The following SPEF1 variants were observed in gnomAD, a reference collection of about 807,000 sequenced individuals.
The protein encoded by SPEF1 is sperm flagellar and cilia associated 1, also known as sperm flagella and cilia-associated protein 1.
In SPEF1, 30 loss-of-function variants were observed where a neutral mutation model predicts 31.8. The ratio of observed to expected loss-of-function variants is 0.94; its 90% CI spans 0.70 to 1.28. The LOEUF is 1.28. SPEF1 is among the 50% of genes most tolerant of loss of function. The pLI is 0.00. For synonymous variants in SPEF1, 126 were observed against 130.1 expected, an observed-to-expected ratio of 0.97 and a Z score of 0.21; for missense variants, 298 against 309.6, an observed-to-expected ratio of 0.96 and a Z score of 0.28.
Position 3,778,132 on chromosome 20 carries a change from T to C in SPEF1, c.*80A>G. The C allele has an allele frequency of 9.8e-7, 1 of 1,018,028 alleles. No homozygotes were observed. 63.1% of individuals were successfully genotyped at this position (1,018,028 alleles called of 1,614,324 possible). ...AGCGGGCTCCGCCCTCCCAATGGTC[T>C]ATCCATCGGTGGGTGGGTCCGGCGC... is the stretch of plus-strand genomic sequence containing the variant. On this transcript the variant is annotated 3_prime_UTR_variant, in exon 7 of 7. Transcript: ENST00000379756.
intron 1 of SPEF1, among the ~76,000 whole-genome samples, chr20:3,780,698 A>G (rs1268243987): frequency 6.6e-6 from 1 of 152,180 alleles, no homozygotes; most frequent in African/African-American, 2.4e-5. Flanking sequence ...AAGATGACAG[A>G]TAAGTATTTC....
intron 5 of SPEF1, 90 bp from the exon 6 acceptor site, chr20:3,778,634 C>A: frequency 6.4e-7 from 1 of 1,566,592 alleles, no homozygotes; most frequent in East Asian, 2.3e-5. Flanking sequence ...CCTTCTCCCC[C>A]TCTAGCCCCT....
chr20:3,778,185 G>C lies in SPEF1; in HGVS notation c.*27C>G, dbSNP rs1335185827. 1 of 1,486,994 alleles carries C rather than the reference G, an allele frequency of 6.7e-7. No individual in the cohort carries two copies. Among genetic ancestry groups the C allele is most frequent in the African/African-American group, 1.4e-5 (1 of 70,926 alleles). The allele number at this position is 1,486,994 out of a possible 1,614,324, so 92.1% of individuals were successfully genotyped here. ...CGTCGGGGCTCTGGCGGGTACCCGG[G>C]CGTCCCCGCGCGGCCCGGGCCGCCG... is the stretch of plus-strand genomic sequence containing the variant. On this transcript the variant is annotated 3_prime_UTR_variant, in exon 7 of 7. Transcript: ENST00000379756.
intron 1 of SPEF1, 76 bp from the exon 2 acceptor site, chr20:3,779,851 G>GGCC: frequency 4.6e-6 from 2 of 433,224 alleles, no homozygotes; most frequent in East Asian, 5.7e-5. Flanking sequence ...GTGGGGGTGG[G>GGCC]AGAATCAGGC....
intron 3 of SPEF1, 46 bp downstream of exon 3, chr20:3,779,150 C>T: frequency 6.5e-7 from 1 of 1,544,096 alleles, no homozygotes; most frequent in East Asian, 2.4e-5. Context: ...GGAGCGCCCC[C>T]CACCCAGCCC....
In SPEF1 at chr20:3,779,184, G is replaced by T; in HGVS notation, c.378+12C>A. 4.5e-6 allele frequency: 7 copies of T among 1,560,048 alleles called. No individual in the cohort carries two copies. Among genetic ancestry groups the T allele is most frequent in the Non-Finnish European group, 6.1e-6 (7 of 1,149,204 alleles). ...CCCCAGAGCAGTGGGAGAAGCTGGAGCGGGGTGGCACCTGTAAGGAGCCGG... is the reference window on the plus strand; with the variant it reads ...CCCCAGAGCAGTGGGAGAAGCTGGATCGGGGTGGCACCTGTAAGGAGCCGG... On this transcript the variant is annotated intron_variant, in intron 3 of 6. Coordinates refer to ENST00000379756, the MANE Select transcript of SPEF1 (RefSeq NM_015417.5).
At chr20:3,779,847 G>C in intron 1 of SPEF1, 72 bp from the exon 2 acceptor site, 2 of 518,768 alleles carry the variant, frequency 3.9e-6, no homozygotes, top group Non-Finnish European at 7.4e-6. Flanking sequence ...GAAGGTGGGG[G>C]TGGGAGAATC....
rs368388470 is a variant in SPEF1 at position 3,778,773 on chromosome 20, G to A, written c.452C>T (p.Pro151Leu). 16 of 1,613,746 alleles carry A rather than the reference G, an allele frequency of 9.9e-6. No individual in the cohort carries two copies. Among genetic ancestry groups the A allele is most frequent in the Non-Finnish European group, 1.2e-5 (14 of 1,179,924 alleles). Residue 151 changes from proline (P) to leucine (L), a missense_variant, in exon 5 of 7, where the codon CCG (proline) becomes CTG (leucine). Pro to Leu is a moderately conservative substitution (Grantham distance 98). Coordinates refer to ENST00000379756, the MANE Select transcript of SPEF1 (RefSeq NM_015417.5). ...VSQKARGEGV[P>L]DPQGGGQLSW... ...GAGCTGACCCCCTCCCTGGGGGTCC[G>A]GGACACCTTCACCTCGGGCCTTCTG...
chr20:3,779,395 A>C, intron 2 of SPEF1, 43 bp from the exon 3 acceptor site: 1 of 1,525,400 alleles, frequency 6.6e-7, no homozygotes, highest in Non-Finnish European at 9.0e-7. Flanking sequence ...TCCTGGGGAA[A>C]TGAAGCGAGG....
chr20:3,778,198 G>T lies in SPEF1; in HGVS notation c.*14C>A. 6.5e-7 allele frequency: 1 copy of T among 1,536,158 alleles called. No individual in the cohort carries two copies. Among genetic ancestry groups the T allele is most frequent in the Non-Finnish European group, 8.8e-7 (1 of 1,139,344 alleles). On this transcript the variant is annotated 3_prime_UTR_variant, in exon 7 of 7. Coordinates refer to ENST00000379756, the MANE Select transcript of SPEF1 (RefSeq NM_015417.5). ...GCGGGTACCCGGGCGTCCCCGCGCG[G>T]CCCGGGCCGCCGCTCACCGCTGCTT...
chr20:3,778,340 G>C lies in SPEF1; in HGVS notation c.604-21C>G, dbSNP rs756890904. ...AGGACCTAAGCCGCACCGCGCAGGC[G>C]TCAAGCCTGGCGGTCTGCTCCCTCC... On this transcript the variant is annotated intron_variant, in intron 6 of 6. Coordinates refer to ENST00000379756, the MANE Select transcript of SPEF1 (RefSeq NM_015417.5). The C allele has an allele frequency of 5.6e-6, 9 of 1,612,340 alleles. No individual in the cohort carries two copies. In the East Asian group the frequency reaches 2.0e-4, roughly 36 times the overall value.
rs2146637110 is a variant in SPEF1, at chr20:3,781,387, C to T, written c.-100G>A. On this transcript the variant is annotated 5_prime_UTR_variant, in exon 1 of 7. Transcript: ENST00000379756. ...TTCTCGCCACTGCAGAAGCCCATAA[C>T]TGCCTCTGCCTGCCTAATCCAGAGA... 2 of 1,465,046 alleles carry T rather than the reference C, an allele frequency of 1.4e-6. No individual in the cohort carries two copies. The highest frequency in any genetic ancestry group is 1.3e-5 in the South Asian group (1 of 76,570). 90.8% of individuals were successfully genotyped at this position (1,465,046 alleles called of 1,614,324 possible). A position where few individuals can be genotyped will look rare whatever the true frequency, so the allele number is the denominator to read the frequency against.
chr20:3,778,761 C>G lies in SPEF1; in HGVS notation c.464G>C (p.Gly155Ala), dbSNP rs1447824472. The change falls in exon 5 of 7, where the codon GGA becomes GCA. Residue 155 changes from glycine to alanine, a missense_variant. Transcript: ENST00000379756. ...GCTTCTTTACCTGAGCTGACCCCCT[C>G]CCTGGGGGTCCGGGACACCTTCACC... is the stretch of plus-strand genomic sequence containing the variant. The part of the protein sequence containing the change: ...ARGEGVPDPQ[G>A]GGQLSWDRPP... The G allele has an allele frequency of 6.2e-7, 1 of 1,613,676 alleles. No individual in the cohort carries two copies. The highest frequency in any genetic ancestry group is 8.5e-7 in the Non-Finnish European group (1 of 1,179,684).
chr20:3,780,823 AAC>A (rs922580294), intron 1 of SPEF1, among the ~76,000 whole-genome samples: 2 of 152,166 alleles, frequency 1.3e-5, no homozygotes, highest in African/African-American at 4.8e-5. Context: ...AACACATATG[AAC>A]ACACACATGC....
At chr20:3,781,122 A>C (rs2088776727) in intron 1 of SPEF1, 57 bp downstream of exon 1, 1 of 1,598,368 alleles carries the variant, frequency 6.3e-7, no homozygotes, top group South Asian at 1.1e-5. Flanking sequence ...GTTTGCACAG[A>C]GACCCGTTAC....
rs1187069993 is a variant in SPEF1, at chr20:3,778,796, C to T, written c.429G>A (p.Gln143=). Residue 143 remains glutamine (Q), a synonymous_variant, in exon 5 of 7, where the codon CAG becomes CAA. Transcript: ENST00000379756. ...GSGYMDVGVS[Q]KARGEGVPDP... is the part of the protein sequence containing the mutation. ...CCGGGACACCTTCACCTCGGGCCTTCTGGGATACACCTGAGACAAGGCAAG... is the reference window on the plus strand; with the variant it reads ...CCGGGACACCTTCACCTCGGGCCTTTTGGGATACACCTGAGACAAGGCAAG... 2 of 1,614,088 alleles carry T rather than the reference C, an allele frequency of 1.2e-6. No homozygotes were observed. The highest frequency in any genetic ancestry group is 2.2e-5 in the East Asian group (1 of 44,878).
chr20:3,779,366 A>G lies in SPEF1; in HGVS notation c.222-14T>C. On this transcript the variant is annotated splice_polypyrimidine_tract_variant and intron_variant, in intron 2 of 6. Transcript: ENST00000379756. Reference sequence around the variant, plus strand: ...TTCAGTACCTTCCTGAGGGGTAGACATTGGGATAGCAGATTGGGTCCTGGG... The same window carrying G: ...TTCAGTACCTTCCTGAGGGGTAGACGTTGGGATAGCAGATTGGGTCCTGGG... 1.3e-6 allele frequency: 2 copies of G among 1,583,080 alleles called. No individual in the cohort carries two copies. The highest frequency in any genetic ancestry group is 8.6e-7 in the Non-Finnish European group (1 of 1,157,620).
At chr20:3,778,565 G>A (rs1276685127) in intron 5 of SPEF1, 21 bp from the exon 6 acceptor site, 3 of 1,595,398 alleles carry the variant, frequency 1.9e-6, no homozygotes, top group Non-Finnish European at 2.6e-6. Context: ...AAGCAGCTTA[G>A]CGGAGGCTTG....
At chr20:3,778,862 C>G (rs2088762664) in intron 4 of SPEF1, 56 bp from the exon 5 acceptor site, 3 of 1,610,164 alleles carry the variant, frequency 1.9e-6, no homozygotes, top group African/African-American at 2.7e-5. Context: ...TCCTGCTTCC[C>G]CCTCCCTACT....
Sources: gnomAD v4.1 joint callset for allele counts (sites outside exome capture counted in the v4.1 genomes callset) on GRCh38, gnomAD v4.1.1 for gene constraint, MANE v1.5 for transcripts, NCBI Gene and HGNC (gene_info 2026-07-23, HGNC 2026-07-21) for gene names.